Variants in CCDC3 observed in about 807,000 individuals in gnomAD.
The protein encoded by CCDC3 is coiled-coil domain containing 3.
Under a neutral mutation model 21.4 loss-of-function variants are expected in CCDC3, and 24 were observed. The observed-to-expected ratio is 1.12, with a 90% CI of 0.81 to 1.58. The LOEUF is 1.58. Among genes scored for constraint, CCDC3 ranks in the 40% most tolerant of loss-of-function variants. The probability of loss-of-function intolerance (pLI) is 0.00; values close to 1 mark genes in which losing one functional copy is unlikely to be tolerated. For synonymous variants in CCDC3, 186 were observed against 166.0 expected (o/e 1.12, Z -0.93); for missense variants, 425 against 360.9 (o/e 1.18, Z -1.44).
Position 12,898,801 on chromosome 10 carries a change from G to A in CCDC3, c.550-122C>T, listed in dbSNP as rs370714074. 13 of 1,169,006 alleles carry A rather than the reference G, an allele frequency of 1.1e-5. No homozygotes were observed. In the African/African-American group the frequency reaches 1.4e-4, roughly 12 times the overall value. The allele number at this position is 1,169,006 out of a possible 1,614,324, so 72.4% of individuals were successfully genotyped here. On this transcript the variant is annotated intron_variant, in intron 2 of 2. Coordinates refer to ENST00000378825, the MANE Select transcript of CCDC3 (RefSeq NM_031455.4). ...ACACAGACCCCGATTCCCCACCCCA[G>A]CATGGGCATAAACCCCAGGATGTCC...
chr10:12,976,464 G>A (rs1348480518), intron 2 of CCDC3, among the ~76,000 whole-genome samples: 2 of 152,118 alleles, frequency 1.3e-5, no homozygotes, highest in Non-Finnish European at 2.9e-5. Context: ...TGAGGAGCTG[G>A]GTGGCCAGGA....
upstream of CCDC3, among the ~76,000 whole-genome samples, chr10:13,003,809 T>C (rs1390733631): frequency 1.3e-5 from 2 of 152,222 alleles, no homozygotes; most frequent in African/African-American, 4.8e-5. Flanking sequence ...TTTTCTCTTG[T>C]TGTATAAACT....
chr10:12,898,418 A>G lies in CCDC3; in HGVS notation c.811T>C (p.Ter271GlnextTer13). ...ACACCTGGCAGCCCCCAGGCCCGTT[A>G]CCCCCGCAGGTAGGGGGGGCGCACG... ...GPVRPPYLRG[*>Q] Residue 271 changes from the stop codon to glutamine, a stop_lost, in exon 3 of 3, where the codon TAA becomes CAA. Coordinates refer to ENST00000378825, the MANE Select transcript of CCDC3 (RefSeq NM_031455.4). 6.3e-7 allele frequency: 1 copy of G among 1,595,792 alleles called. No individual in the cohort carries two copies. Among genetic ancestry groups the G allele is most frequent in the Non-Finnish European group, 8.6e-7 (1 of 1,169,356 alleles).
chr10:13,089,696 C>A (rs750526574), intron 3 of CCDC3, among the ~76,000 whole-genome samples: 4 of 151,682 alleles, frequency 2.6e-5, no homozygotes, highest in Non-Finnish European at 4.4e-5. Context: ...TTTTTTATTT[C>A]CAAAGGTTAT....
At chr10:13,094,046 A>C (rs978675462) in intron 3 of CCDC3, among the ~76,000 whole-genome samples, 1 of 152,226 alleles carries the variant, frequency 6.6e-6, no homozygotes, top group African/African-American at 2.4e-5. Context: ...TTGTAGCAAA[A>C]CAAGGAAGCA....
intron 2 of CCDC3, among the ~76,000 whole-genome samples, chr10:12,913,184 T>C (rs764850118): frequency 6.6e-6 from 1 of 152,238 alleles, no homozygotes; most frequent in Non-Finnish European, 1.5e-5. Context: ...TCTGGTAGTA[T>C]AGACACTTTA....
chr10:13,014,572 G>A (rs563220700), intron 5 of CCDC3, among the ~76,000 whole-genome samples: 2 of 151,832 alleles, frequency 1.3e-5, no homozygotes, highest in South Asian at 4.2e-4. Context: ...ATTGAGACAA[G>A]TGGCAAGATG....
intron 2 of CCDC3, among the ~76,000 whole-genome samples, chr10:12,971,746 C>T (rs145038878): frequency 0.022 from 3,339 of 152,168 alleles, 112 homozygotes; most frequent in African/African-American, 0.075. Context: ...AGTGCAGTGG[C>T]GCAATCTCAG....
At chr10:13,020,356 A>T (rs1435964969) in intron 5 of CCDC3, among the ~76,000 whole-genome samples, 1 of 152,222 alleles carries the variant, frequency 6.6e-6, no homozygotes, top group East Asian at 1.9e-4. Flanking sequence ...TGCTGTCATG[A>T]ACAGTTAGCG....
intron 2 of CCDC3, among the ~76,000 whole-genome samples, chr10:12,902,862 C>T (rs1339104858): frequency 6.6e-6 from 1 of 152,128 alleles, no homozygotes; most frequent in East Asian, 1.9e-4. Context: ...TTGACCCAGG[C>T]TGTAAAAACC....
intron 5 of CCDC3, among the ~76,000 whole-genome samples, chr10:13,016,088 C>T (rs536785403): frequency 2.0e-4 from 30 of 151,950 alleles, no homozygotes; most frequent in African/African-American, 7.2e-4. Flanking sequence ...TATGTACCCA[C>T]AAAAAGTTAA....
At chr10:13,066,358 A>G (rs1273196969) in intron 4 of CCDC3, among the ~76,000 whole-genome samples, 2 of 152,212 alleles carry the variant, frequency 1.3e-5, no homozygotes, top group African/African-American at 4.8e-5. Context: ...TTTGAGAGCC[A>G]CTGGTTTACC....
intron 2 of CCDC3, among the ~76,000 whole-genome samples, chr10:12,912,747 G>C (rs1363020258): frequency 6.6e-6 from 1 of 152,098 alleles, no homozygotes; most frequent in Non-Finnish European, 1.5e-5. Context: ...ACAGTTTCAG[G>C]TCTACGCTTA....
Position 12,898,326 on chromosome 10 carries a change from C to CA in CCDC3, c.*89dup, listed in dbSNP as rs1564274314. On this transcript the variant is annotated 3_prime_UTR_variant, in exon 3 of 3. Transcript: ENST00000378825. Reference sequence around the variant, plus strand: ...GCGTGATTAAAAACAAAAACTCTTACAACCCTTGAAATAGCTGCATGTACG... The same window carrying CA: ...GCGTGATTAAAAACAAAAACTCTTACAAACCCTTGAAATAGCTGCATGTACG... 1 of 1,346,416 alleles carries CA rather than the reference C, an allele frequency of 7.4e-7. No individual in the cohort carries two copies. The highest frequency in any genetic ancestry group is 1.0e-6 in the Non-Finnish European group (1 of 994,644). The allele number at this position is 1,346,416 out of a possible 1,614,324, so 83.4% of individuals were successfully genotyped here.
At chr10:12,911,065 T>G (rs1215565611) in intron 2 of CCDC3, among the ~76,000 whole-genome samples, 3 of 152,236 alleles carry the variant, frequency 2.0e-5, no homozygotes. Context: ...CTTCAACAGT[T>G]TGCTGTTCCA....
chr10:13,007,015 C>T (rs370997440), intron 5 of CCDC3, among the ~76,000 whole-genome samples: 5 of 152,272 alleles, frequency 3.3e-5, no homozygotes, highest in African/African-American at 9.6e-5. Context: ...CCGACCTTTA[C>T]GGTAGAGGTA....
chr10:13,049,446 C>T (rs1246403400), intron 5 of CCDC3, among the ~76,000 whole-genome samples: 1 of 152,070 alleles, frequency 6.6e-6, no homozygotes, highest in Non-Finnish European at 1.5e-5. Flanking sequence ...GCATTTTGCT[C>T]TTTGGAACCC....
In CCDC3 at chr10:13,020,549, C is replaced by A. The variant is rs118110059; in HGVS notation, c.-1-22037G>T. On this transcript the variant is annotated intron_variant, in intron 5 of 6. Transcript: ENST00000378839. Reference sequence around the variant, plus strand: ...ACATTTCTTTCTTGATTTGGAACATCTATTCTTCAAAAGTTTGTGGAGTAA... The same window carrying A: ...ACATTTCTTTCTTGATTTGGAACATATATTCTTCAAAAGTTTGTGGAGTAA... Among the ~76,000 whole-genome samples, 291 of 152,298 alleles carry A rather than the reference C, an allele frequency of 1.9e-3. 1 individual carries two copies. Among genetic ancestry groups the A allele is most frequent in the Non-Finnish European group, 2.8e-3 (191 of 68,030 alleles).
At chr10:13,093,079 G>A (rs1041041157) in intron 3 of CCDC3, among the ~76,000 whole-genome samples, 2 of 133,002 alleles carry the variant, frequency 1.5e-5, no homozygotes, top group South Asian at 2.4e-4. Context: ...TTTTCAAACC[G>A]CAAAATCATT....
Sources: allele counts gnomAD v4.1 joint callset (sites outside exome capture counted in the v4.1 genomes callset), GRCh38; gene constraint gnomAD v4.1.1; transcripts MANE v1.5; gene names NCBI Gene and HGNC (gene_info 2026-07-23, HGNC 2026-07-21).